The following BCAS3 variants were observed in gnomAD, a reference collection of about 807,000 sequenced individuals.
BCAS3 encodes BCAS3 microtubule associated cell migration factor.
BCAS3 carries 53 observed loss-of-function variants against 116.1 expected under a neutral mutation model. The ratio of observed to expected loss-of-function variants is 0.46; its 90% CI spans 0.37 to 0.57. The LOEUF (loss-of-function observed/expected upper bound fraction) is 0.57, where lower values mean the gene tolerates loss of function less well. Among genes scored for constraint, BCAS3 ranks in the 20% least tolerant of loss-of-function variants. BCAS3 has a pLI of 0.00. For missense variants in BCAS3, 917 were observed against 1,165.4 expected, an observed-to-expected ratio of 0.79 and a Z score of 3.10; for synonymous variants, 391 against 408.2, an observed-to-expected ratio of 0.96 and a Z score of 0.51.
intron 19 of BCAS3, among the ~76,000 whole-genome samples, chr17:61,057,789 A>G (rs1423915038): frequency 6.6e-6 from 1 of 152,122 alleles, no homozygotes; most frequent in African/African-American, 2.4e-5. Flanking sequence ...TGGAAAATGT[A>G]TGTTTCATAA....
intron 14 of BCAS3, among the ~76,000 whole-genome samples, chr17:60,973,740 A>G (rs543424878): frequency 1.3e-5 from 2 of 151,770 alleles, no homozygotes; most frequent in African/African-American, 2.4e-5. Flanking sequence ...TTACAGGCGC[A>G]TGCACCACAC....
At chr17:60,779,027 G>T (rs935844165) in intron 6 of BCAS3, among the ~76,000 whole-genome samples, 1 of 152,074 alleles carries the variant, frequency 6.6e-6, no homozygotes, top group African/African-American at 2.4e-5. Context: ...TATGGCATTA[G>T]TGTTCTTAAT....
At chr17:60,829,404 G>C (rs954870662) in intron 7 of BCAS3, among the ~76,000 whole-genome samples, 1 of 151,148 alleles carries the variant, frequency 6.6e-6, no homozygotes, top group African/African-American at 2.4e-5. Flanking sequence ...TGAGGCAGGA[G>C]AATCACTTGA....
chr17:61,177,245 G>A (rs141472894), intron 22 of BCAS3, among the ~76,000 whole-genome samples: 6 of 152,196 alleles, frequency 3.9e-5, no homozygotes, highest in East Asian at 3.9e-4. Context: ...TATAAGAACC[G>A]TACATGAAAG....
rs1342895075 is a variant in BCAS3 at position 61,131,493 on chromosome 17, G to A, written c.2425+46929G>A. 6.6e-6 allele frequency among the ~76,000 whole-genome samples: 1 copy of A among 152,172 alleles called. No homozygotes were observed. Among genetic ancestry groups the A allele is most frequent in the Non-Finnish European group, 1.5e-5 (1 of 68,032 alleles). ...ATAATATATTTTATACGCTTAAAAT[G>A]AAATTATATTCCAAACTCATAATTA... On this transcript the variant is annotated intron_variant, in intron 22 of 23. Transcript: ENST00000407086. This position sits in a 1 kb window ranked among gnomAD's most constrained non-coding sequence, Gnocchi z 4.4.
Position 61,344,355 on chromosome 17 carries a change from T to C in BCAS3, c.2426-23972T>C, listed in dbSNP as rs1422697641. 3.3e-5 allele frequency among the ~76,000 whole-genome samples: 5 copies of C among 152,198 alleles called. No individual in the cohort carries two copies. Among genetic ancestry groups the C allele is most frequent in the African/African-American group, 9.6e-5 (4 of 41,464 alleles). On this transcript the variant is annotated intron_variant, in intron 22 of 23. Coordinates refer to ENST00000407086, the MANE Select transcript of BCAS3 (RefSeq NM_017679.5). The surrounding 1 kb of genome is among the most constrained non-coding windows in gnomAD (Gnocchi z 4.1). ...AGTCTCTGGGTCTTCTTGTCAAGAC[T>C]AATTTCCTTTTAGGCCCAGCTTCAT...
chr17:61,121,195 G>A (rs183181183), intron 22 of BCAS3, among the ~76,000 whole-genome samples: 3 of 152,014 alleles, frequency 2.0e-5, no homozygotes, highest in East Asian at 1.9e-4. Context: ...CATTGGTTAC[G>A]TTACATGCTT....
chr17:61,039,504 G>A (rs942107819), intron 18 of BCAS3, among the ~76,000 whole-genome samples: 6 of 151,536 alleles, frequency 4.0e-5, no homozygotes, highest in African/African-American at 1.5e-4. Flanking sequence ...CTCACTGCAA[G>A]CTCCACCTCC....
intron 14 of BCAS3, among the ~76,000 whole-genome samples, chr17:60,976,726 G>C (rs1486297305): frequency 6.6e-6 from 1 of 152,142 alleles, no homozygotes; most frequent in Non-Finnish European, 1.5e-5. Flanking sequence ...AGTGGACACA[G>C]CACATGTTTC....
chr17:61,364,296 A>G lies in BCAS3; in HGVS notation c.2426-4031A>G, dbSNP rs2058615928. Among the ~76,000 whole-genome samples, 2 of 152,208 alleles carry G rather than the reference A, an allele frequency of 1.3e-5. No homozygotes were observed. Among genetic ancestry groups the G allele is most frequent in the East Asian group, 1.9e-4 (1 of 5,200 alleles). On this transcript the variant is annotated intron_variant, in intron 22 of 23. Transcript: ENST00000407086. The surrounding 1 kb of genome is among the most constrained non-coding windows in gnomAD (Gnocchi z 5.4). The stretch of plus-strand genomic sequence containing the variant: ...TGCCATCCCGTAAACATGGTGACTC[A>G]TCGTCACCACCACCAAACTCCAAGC...
At chr17:61,255,646 T>A (rs17598248) in intron 22 of BCAS3, among the ~76,000 whole-genome samples, 32,021 of 152,202 alleles carry the variant, frequency 0.21, 3,872 homozygotes, top group Middle Eastern at 0.33. Context: ...AAGTGCCGTG[T>A]CTGTATTGAG....
chr17:60,814,680 C>T (rs937026031), intron 7 of BCAS3, among the ~76,000 whole-genome samples: 3 of 152,080 alleles, frequency 2.0e-5, no homozygotes, highest in East Asian at 3.9e-4. Flanking sequence ...GTACGTTTGA[C>T]GTATACCATT....
chr17:60,692,380 GA>G (rs2034952150), intron 4 of BCAS3, among the ~76,000 whole-genome samples: 1 of 151,896 alleles, frequency 6.6e-6, no homozygotes, highest in African/African-American at 2.4e-5. Context: ...TAGCTGGGAC[GA>G]CAGGCACCCG....
At chr17:60,816,102 A>C (rs1413674883) in intron 7 of BCAS3, among the ~76,000 whole-genome samples, 1 of 152,042 alleles carries the variant, frequency 6.6e-6, no homozygotes, top group East Asian at 1.9e-4. Flanking sequence ...CCATTTGGAG[A>C]GGAGTGGGAT....
At chr17:60,742,415 T>C (rs1225534624) in intron 5 of BCAS3, among the ~76,000 whole-genome samples, 1 of 151,762 alleles carries the variant, frequency 6.6e-6, no homozygotes, top group Admixed American at 6.6e-5. Context: ...TTTCACAATT[T>C]TCCTTGACAT....
At chr17:60,874,873 G>T in intron 9 of BCAS3, 135 bp downstream of exon 9, 1 of 538,532 alleles carries the variant, frequency 1.9e-6, no homozygotes. Flanking sequence ...TGATTCTGTG[G>T]CTATTCTCAT....
At chr17:60,701,651 A>G (rs1475275868) in intron 4 of BCAS3, among the ~76,000 whole-genome samples, 2 of 152,066 alleles carry the variant, frequency 1.3e-5, no homozygotes, top group African/African-American at 4.8e-5. Flanking sequence ...CTATTTTATC[A>G]TTTACTATAA....
chr17:61,349,173 G>A lies in BCAS3; in HGVS notation c.2426-19154G>A, dbSNP rs1480027758. ...ATCACTGTGCTGGAATATCCAGAAGGGCCTGAGAATTCATTTGCTCAGTAA... is the reference window on the plus strand; with the variant it reads ...ATCACTGTGCTGGAATATCCAGAAGAGCCTGAGAATTCATTTGCTCAGTAA... On this transcript the variant is annotated intron_variant, in intron 22 of 23. Coordinates refer to ENST00000407086, the MANE Select transcript of BCAS3 (RefSeq NM_017679.5). The surrounding 1 kb of genome is among the most constrained non-coding windows in gnomAD (Gnocchi z 4.7). 6.6e-6 allele frequency among the ~76,000 whole-genome samples: 1 copy of A among 152,144 alleles called. No homozygotes were observed. Among genetic ancestry groups the A allele is most frequent in the East Asian group, 1.9e-4 (1 of 5,198 alleles).
chr17:61,203,170 T>C lies in BCAS3; in HGVS notation c.2425+118606T>C, dbSNP rs2080938357. 6.6e-6 allele frequency among the ~76,000 whole-genome samples: 1 copy of C among 152,188 alleles called. No individual in the cohort carries two copies. Among genetic ancestry groups the C allele is most frequent in the African/African-American group, 2.4e-5 (1 of 41,438 alleles). On this transcript the variant is annotated intron_variant, in intron 22 of 23. Transcript: ENST00000407086. The surrounding 1 kb of genome is among the most constrained non-coding windows in gnomAD (Gnocchi z 5.7). ...TTCAAGACTTCTCTTTTATTCTTCT[T>C]TTTTTCGAGACAGTTTCACTCTTGT...
Sources: allele counts gnomAD v4.1 joint callset (sites outside exome capture counted in the v4.1 genomes callset), GRCh38; gene constraint gnomAD v4.1.1; non-coding constraint Gnocchi (gnomAD v3.1); transcripts MANE v1.5; gene names NCBI Gene and HGNC (gene_info 2026-07-23, HGNC 2026-07-21).